The following CHD5 variants were observed in gnomAD, a reference collection of about 807,000 sequenced individuals.
The protein encoded by CHD5 is chromodomain helicase DNA binding protein 5.
A neutral mutation model predicts 230.3 loss-of-function variants in CHD5; 69 were observed. That is an observed-to-expected ratio of 0.30 (90% CI 0.25 to 0.37). The LOEUF (loss-of-function observed/expected upper bound fraction) is 0.37, where lower values mean the gene tolerates loss of function less well. CHD5 is among the 10% of genes least tolerant of loss of function. The pLI is 1.00. For synonymous variants in CHD5, 1,064 were observed against 1,065.9 expected, an observed-to-expected ratio of 1.00 and a Z score of 0.03; for missense variants, 1,827 against 2,622.8, an observed-to-expected ratio of 0.70 and a Z score of 6.63.
Position 6,134,688 on chromosome 1 carries a change from G to A in CHD5, c.3012+30C>T. ...AGGCACCTACCATGGCGGTCATGGA[G>A]AAGCTGCCATGATGGCCGGGGAAAC... is the stretch of plus-strand genomic sequence containing the variant. On this transcript the variant is annotated intron_variant, in intron 19 of 41. Transcript: ENST00000262450. This position sits in a 1 kb window ranked among gnomAD's most constrained non-coding sequence, Gnocchi z 6.3. 1 of 1,612,170 alleles carries A rather than the reference G, an allele frequency of 6.2e-7. No individual in the cohort carries two copies. Among genetic ancestry groups the A allele is most frequent in the Non-Finnish European group, 8.5e-7 (1 of 1,178,314 alleles).
chr1:6,147,044 G>A (rs1481899677), intron 9 of CHD5, among the ~76,000 whole-genome samples, 173 bp from the exon 10 acceptor site: 2 of 152,200 alleles, frequency 1.3e-5, no homozygotes, highest in South Asian at 4.1e-4. Context: ...AGCCGCATGG[G>A]TCATGCACAC....
intron 1 of CHD5, among the ~76,000 whole-genome samples, chr1:6,178,131 A>T (rs2100892264): frequency 6.6e-6 from 1 of 152,288 alleles, no homozygotes; most frequent in East Asian, 1.9e-4. Flanking sequence ...GAGGTGCCAG[A>T]GCAGGGCGTC....
Position 6,140,897 on chromosome 1 carries a change from G to C in CHD5, c.2436+1231C>G, listed in dbSNP as rs1309397608. ...TACCTGTAGTCCCAGCTCCCGGGAG[G>C]TCAAGGCTGCAGTGAGCTATGATCA... is the stretch of plus-strand genomic sequence containing the variant. On this transcript the variant is annotated intron_variant, in intron 15 of 41. Coordinates refer to ENST00000262450, the MANE Select transcript of CHD5 (RefSeq NM_015557.3). 1.3e-5 allele frequency among the ~76,000 whole-genome samples: 2 copies of C among 151,790 alleles called. 1 individual carries two copies. Among genetic ancestry groups the C allele is most frequent in the Non-Finnish European group, 2.9e-5 (2 of 67,986 alleles).
At chr1:6,107,816 G>A (rs187384543) in intron 38 of CHD5, among the ~76,000 whole-genome samples, 95 of 141,614 alleles carry the variant, frequency 6.7e-4, no homozygotes, top group Admixed American at 1.7e-3. Context: ...GAGGAATAAT[G>A]GAGGGATGGA....
rs1338467857 is a variant in CHD5, at chr1:6,155,998, A to C, written c.388-281T>G. On this transcript the variant is annotated intron_variant, in intron 3 of 41. Transcript: ENST00000262450. The surrounding 1 kb of genome is among the most constrained non-coding windows in gnomAD (Gnocchi z 4.0). ...GGGAGAGGCCATGTGTGTGCCCTGA[A>C]CTTCCAGAAAGGGAAATCAGCCAGG... Among the ~76,000 whole-genome samples the C allele has an allele frequency of 1.3e-5, 2 of 152,178 alleles. No individual in the cohort carries two copies. Among genetic ancestry groups the C allele is most frequent in the African/African-American group, 4.8e-5 (2 of 41,444 alleles).
chr1:6,172,228 C>T (rs1010076304), intron 1 of CHD5, among the ~76,000 whole-genome samples: 16 of 152,250 alleles, frequency 1.1e-4, no homozygotes, highest in African/African-American at 3.9e-4. Flanking sequence ...CTGCATACCA[C>T]CTGCCAGGCT....
At chr1:6,175,306 A>G (rs1249787299) in intron 1 of CHD5, among the ~76,000 whole-genome samples, 4 of 124,340 alleles carry the variant, frequency 3.2e-5, no homozygotes, top group South Asian at 2.8e-4. Context: ...TGGATGAATG[A>G]ATGGATGGTG....
chr1:6,161,308 A>C (rs1249735803), intron 2 of CHD5, among the ~76,000 whole-genome samples: 1 of 152,106 alleles, frequency 6.6e-6, no homozygotes, highest in East Asian at 1.9e-4. Context: ...CACATCCAAC[A>C]GTTCGTGGAG....
At chr1:6,152,721 G>T (rs1667025162) in intron 5 of CHD5, among the ~76,000 whole-genome samples, 185 bp from the exon 6 acceptor site, 1 of 152,200 alleles carries the variant, frequency 6.6e-6, no homozygotes, top group Non-Finnish European at 1.5e-5. Flanking sequence ...AGCAAGTGAG[G>T]CAAAAACCAG....
intron 7 of CHD5, 64 bp downstream of exon 7, chr1:6,150,967 AG>A: frequency 7.0e-7 from 1 of 1,419,284 alleles, no homozygotes. Flanking sequence ...CCAGATGGGG[AG>A]TCCTACTCGT....
chr1:6,121,075 T>C lies in CHD5; in HGVS notation c.4912+30A>G, dbSNP rs774615167. On this transcript the variant is annotated intron_variant, in intron 33 of 41. Coordinates refer to ENST00000262450, the MANE Select transcript of CHD5 (RefSeq NM_015557.3). This position sits in a 1 kb window ranked among gnomAD's most constrained non-coding sequence, Gnocchi z 4.5. ...GGCCTGCTGAGGCCAGACATGGCAC[T>C]GGGGTGGGTGGCCTGCAAGAAGCCC... 1.7e-5 allele frequency: 27 copies of C among 1,558,878 alleles called. 1 individual carries two copies. The highest frequency in any genetic ancestry group is 6.2e-5 in the South Asian group (5 of 80,890).
In CHD5 at chr1:6,125,165, C is replaced by A; in HGVS notation, c.4329G>T (p.Pro1443=). ...LNAIMRWGMP[P]QDAFNSHWLV... ...GCCAGTGGGAGTTGAAGGCGTCCTG[C>A]GGGGGCATGCCCCAGCGCATGATGG... The change falls in exon 29 of 42, where the codon CCG becomes CCT. Residue 1443 remains proline (P), a synonymous_variant. Coordinates refer to ENST00000262450, the MANE Select transcript of CHD5 (RefSeq NM_015557.3). The surrounding 1 kb of genome is among the most constrained non-coding windows in gnomAD (Gnocchi z 6.7). The A allele has an allele frequency of 6.2e-7, 1 of 1,606,258 alleles. No individual in the cohort carries two copies. Among genetic ancestry groups the A allele is most frequent in the East Asian group, 2.2e-5 (1 of 44,738 alleles).
chr1:6,139,484 G>A (rs547892338), intron 15 of CHD5, among the ~76,000 whole-genome samples: 6 of 151,756 alleles, frequency 4.0e-5, no homozygotes, highest in East Asian at 1.9e-4. Context: ...TGACCCACCC[G>A]CCTCGGCCTC....
chr1:6,148,873 C>A lies in CHD5; in HGVS notation c.1364G>T (p.Trp455Leu). ...ACTCACAGTACAGCGCGGGCAGAGC[C>A]ATTCACCGTTTGGGATCTCGGGCAG... is the stretch of plus-strand genomic sequence containing the variant. ...PPLPEIPNGE[W>L]LCPRCTCPPL... Residue 455 changes from tryptophan (W) to leucine (L), a missense_variant, in exon 9 of 42, where the codon TGG becomes TTG. Trp to Leu is a moderately conservative substitution (Grantham distance 61). Coordinates refer to ENST00000262450, the MANE Select transcript of CHD5 (RefSeq NM_015557.3). 6.3e-7 allele frequency: 1 copy of A among 1,575,930 alleles called. No individual in the cohort carries two copies. The highest frequency in any genetic ancestry group is 1.2e-5 in the South Asian group (1 of 85,226).
At chr1:6,110,346 C>T (rs1450688554) in intron 37 of CHD5, 48 bp downstream of exon 37, 1 of 1,585,952 alleles carries the variant, frequency 6.3e-7, no homozygotes, top group South Asian at 1.1e-5. Flanking sequence ...GTCCTCCTGA[C>T]ACCGTCCCTC....
At chr1:6,145,958 C>T (rs894736089) in intron 11 of CHD5, among the ~76,000 whole-genome samples, 4 of 152,188 alleles carry the variant, frequency 2.6e-5, no homozygotes, top group African/African-American at 9.7e-5. Context: ...AGGGTCCCGA[C>T]GCCCCAGGGG....
chr1:6,133,649 A>C (rs1311153689), intron 20 of CHD5, among the ~76,000 whole-genome samples: 1 of 152,252 alleles, frequency 6.6e-6, no homozygotes, highest in Admixed American at 6.5e-5. Flanking sequence ...CCCTGCACCC[A>C]TGTGCCAGCA....
At chr1:6,159,305 T>G in intron 3 of CHD5, 31 bp downstream of exon 3, 1 of 1,550,664 alleles carries the variant, frequency 6.4e-7, no homozygotes, top group Admixed American at 2.0e-5. Flanking sequence ...GGGATGTCGC[T>G]CTGTCCCCCC....
intron 9 of CHD5, 133 bp downstream of exon 9, chr1:6,148,721 G>A (rs1422598016): frequency 8.0e-6 from 5 of 627,836 alleles, no homozygotes; most frequent in South Asian, 2.8e-5. Context: ...GAAGCTTTGC[G>A]GGATCGGCTA....
Sources: gnomAD v4.1 joint callset for allele counts (sites outside exome capture counted in the v4.1 genomes callset) on GRCh38, gnomAD v4.1.1 for gene constraint, Gnocchi (gnomAD v3.1) non-coding constraint, MANE v1.5 for transcripts, NCBI Gene and HGNC (gene_info 2026-07-23, HGNC 2026-07-21) for gene names.